HECW2: variants seen among roughly 807,000 people sequenced by gnomAD.
HECW2 encodes the protein HECT, C2 and WW domain containing E3 ubiquitin protein ligase 2.
In HECW2, 61 loss-of-function variants were observed where a neutral mutation model predicts 175.2. That is an observed-to-expected ratio of 0.35 (90% confidence interval 0.28 to 0.43). The LOEUF is 0.43. HECW2 is among the 20% of genes least tolerant of loss of function. HECW2 has a pLI of 1.00. For missense variants in HECW2, 1,524 were observed against 2,000.5 expected (o/e 0.76, Z 4.54); for synonymous variants, 671 against 731.0 (o/e 0.92, Z 1.32).
chr2:196,570,629 C>A (rs1690351229), intron 1 of HECW2, among the ~76,000 whole-genome samples: 1 of 152,126 alleles, frequency 6.6e-6, no homozygotes, highest in Non-Finnish European at 1.5e-5. Context: ...TGCAGCAAAC[C>A]AACATGGCAC....
chr2:196,278,133 A>AAAAAAAAAAAATATAT (rs531920307), intron 15 of HECW2, among the ~76,000 whole-genome samples: 6 of 66,552 alleles, frequency 9.0e-5, no homozygotes, highest in African/African-American at 2.5e-4. Context: ...ATAATTAAAA[A>AAAAAAAAAAAATATAT]ATATATATAT....
At chr2:196,212,275 T>G (rs1203300233) in intron 28 of HECW2, among the ~76,000 whole-genome samples, 1 of 152,106 alleles carries the variant, frequency 6.6e-6, no homozygotes, top group African/African-American at 2.4e-5. Context: ...GGGGGTTTGT[T>G]TTACAGATTA....
At chr2:196,259,564 A>ATTT (rs148712936) in intron 17 of HECW2, among the ~76,000 whole-genome samples, 1 of 149,850 alleles carries the variant, frequency 6.7e-6, no homozygotes, top group Admixed American at 6.7e-5. Context: ...GCTAACTACT[A>ATTT]TTTTTTTTTT....
intron 1 of HECW2, among the ~76,000 whole-genome samples, chr2:196,547,552 T>C (rs1176233666): frequency 4.5e-4 from 69 of 152,228 alleles, no homozygotes. Flanking sequence ...GGGGCATTGA[T>C]AGGAGACTAC....
At chr2:196,454,585 T>C (rs898241787) in intron 1 of HECW2, among the ~76,000 whole-genome samples, 2 of 152,178 alleles carry the variant, frequency 1.3e-5, no homozygotes, top group Non-Finnish European at 2.9e-5. Flanking sequence ...TGTTGATGAG[T>C]GTTACCGAAT....
Position 196,466,355 on chromosome 2 carries a change from T to C in HECW2, c.-35-32897A>G, listed in dbSNP as rs564638111. Among the ~76,000 whole-genome samples the C allele has an allele frequency of 1.8e-4, 28 of 152,292 alleles. No individual in the cohort carries two copies. In the South Asian group the frequency reaches 5.2e-3, roughly 28 times the overall value. Reference sequence around the variant, plus strand: ...CTTCAATGACTTTCCTCCAAATATTTCCCTCTCCAAAATGTTATCCAAATC... The same window carrying C: ...CTTCAATGACTTTCCTCCAAATATTCCCCTCTCCAAAATGTTATCCAAATC... On this transcript the variant is annotated intron_variant, in intron 1 of 28. Coordinates refer to ENST00000644978, the MANE Select transcript of HECW2 (RefSeq NM_001348768.2).
At chr2:196,313,241 C>A (rs781250204) in intron 10 of HECW2, among the ~76,000 whole-genome samples, 1 of 152,130 alleles carries the variant, frequency 6.6e-6, no homozygotes, top group Non-Finnish European at 1.5e-5. Context: ...GCTGGGCTGG[C>A]GATTGTTTTT....
intron 17 of HECW2, 126 bp downstream of exon 17, chr2:196,271,067 G>T: frequency 1.9e-4 from 114 of 611,860 alleles, no homozygotes; most frequent in Non-Finnish European, 2.5e-4. Context: ...CAAAATATTT[G>T]CATACAAGAT....
At chr2:196,592,488 A>T (rs1169464733) in intron 1 of HECW2, 1 of 152,224 alleles carries the variant, frequency 6.6e-6, no homozygotes, top group African/African-American at 2.4e-5. Flanking sequence ...GTCCTCGGAA[A>T]CGTCTACGTC....
At chr2:196,257,661 T>C (rs1279390042) in intron 18 of HECW2, 162 bp downstream of exon 18, 2 of 597,916 alleles carry the variant, frequency 3.3e-6, no homozygotes, top group Non-Finnish European at 5.9e-6. Context: ...GTGAAGTGAA[T>C]GATCACTCAA....
intron 17 of HECW2, among the ~76,000 whole-genome samples, chr2:196,264,531 T>C (rs531315461): frequency 6.6e-6 from 1 of 152,348 alleles, no homozygotes; most frequent in African/African-American, 2.4e-5. Context: ...ATGTATAATT[T>C]GGGGAATCTT....
chr2:196,212,894 ACAT>A (rs1687343126), intron 28 of HECW2, among the ~76,000 whole-genome samples: 1 of 152,224 alleles, frequency 6.6e-6, no homozygotes, highest in Admixed American at 6.5e-5. Context: ...TAAATGTTAA[ACAT>A]CATTTCACTC....
chr2:196,532,541 T>C (rs1688877840), intron 1 of HECW2, among the ~76,000 whole-genome samples: 1 of 152,128 alleles, frequency 6.6e-6, no homozygotes. Flanking sequence ...GACGGGTTGA[T>C]GGGTGCATTA....
chr2:196,220,794 C>T lies in HECW2; in HGVS notation c.4293+1G>A. 1.9e-6 allele frequency: 3 copies of T among 1,614,016 alleles called. No homozygotes were observed. The highest frequency in any genetic ancestry group is 2.5e-6 in the Non-Finnish European group (3 of 1,179,938). On this transcript the variant is annotated splice_donor_variant, in intron 25 of 28. Coordinates refer to ENST00000644978, the MANE Select transcript of HECW2 (RefSeq NM_001348768.2). LOFTEE classifies it high-confidence loss of function. ...CTCCTCCTACTGCTGATTGTCTTTACCTCATAGAAGCCACGCACTAAGCTC... is the reference window on the plus strand; with the variant it reads ...CTCCTCCTACTGCTGATTGTCTTTATCTCATAGAAGCCACGCACTAAGCTC...
chr2:196,225,304 A>T (rs1171684752), intron 23 of HECW2, among the ~76,000 whole-genome samples: 1 of 152,230 alleles, frequency 6.6e-6, no homozygotes, highest in Non-Finnish European at 1.5e-5. Context: ...ACAAATAAAA[A>T]ACAAAACCAA....
rs182863113 is a variant in HECW2 at position 196,491,060 on chromosome 2, A to G, written c.-35-57602T>C. On this transcript the variant is annotated intron_variant, in intron 1 of 28. Coordinates refer to ENST00000644978, the MANE Select transcript of HECW2 (RefSeq NM_001348768.2). ...CTTATACAACTCAGAGAATTTACTA[A>G]AAACTACCAAATCACGCACTCAAAA... 3.9e-5 allele frequency among the ~76,000 whole-genome samples: 6 copies of G among 152,304 alleles called. No individual in the cohort carries two copies. The East Asian group carries it at 1.2e-3, about 29-fold the overall frequency.
chr2:196,439,579 C>G lies in HECW2; in HGVS notation c.-35-6121G>C, dbSNP rs1695980659. On this transcript the variant is annotated intron_variant, in intron 1 of 28. Coordinates refer to ENST00000644978, the MANE Select transcript of HECW2 (RefSeq NM_001348768.2). ...AAGTAATGACAACCTCCAAACAACT[C>G]CCTTAGAAAAGAATTGCAGAGCCCA... Among the ~76,000 whole-genome samples the G allele has an allele frequency of 1.3e-5, 2 of 152,130 alleles. 1 individual carries two copies. The highest frequency in any genetic ancestry group is 4.1e-4 in the South Asian group (2 of 4,822).
intron 1 of HECW2, among the ~76,000 whole-genome samples, chr2:196,581,042 C>A (rs1690760252): frequency 1.3e-5 from 2 of 152,172 alleles, no homozygotes; most frequent in South Asian, 4.2e-4. Context: ...GATGCAGTCA[C>A]AAAAGACTTC....
chr2:196,357,331 C>CG (rs142763766), intron 2 of HECW2, among the ~76,000 whole-genome samples: 41,826 of 146,062 alleles, frequency 0.29, 8,032 homozygotes, highest in African/African-American at 0.55. Context: ...GGGGCTTGGG[C>CG]GGGGGGGCGG....
Sources: allele counts gnomAD v4.1 joint callset (sites outside exome capture counted in the v4.1 genomes callset), GRCh38; gene constraint gnomAD v4.1.1; transcripts MANE v1.5; gene names NCBI Gene and HGNC (gene_info 2026-07-23, HGNC 2026-07-21).